PAK2: variants seen among roughly 807,000 people sequenced by gnomAD.
PAK2 encodes p21 (RAC1) activated kinase 2, also known as serine/threonine-protein kinase PAK 2.
A neutral mutation model predicts 65.9 loss-of-function variants in PAK2; 21 were observed. The ratio of observed to expected loss-of-function variants is 0.32; its 90% CI spans 0.23 to 0.46. The LOEUF is 0.46. Ranked by LOEUF, PAK2 falls within the 20% of genes least tolerant of loss-of-function variation. The pLI is 1.00. For missense variants in PAK2, 324 were observed against 642.6 expected, an observed-to-expected ratio of 0.50 and a Z score of 5.36; for synonymous variants, 204 against 219.7, an observed-to-expected ratio of 0.93 and a Z score of 0.63.
At chr3:196,761,145 C>T (rs76495936) in intron 1 of PAK2, among the ~76,000 whole-genome samples, 3 of 119,524 alleles carry the variant, frequency 2.5e-5, no homozygotes, top group Non-Finnish European at 5.1e-5. Context: ...AGGAGAACCG[C>T]TTTTTTTTTT....
chr3:196,817,654 C>A (rs1711519742), intron 11 of PAK2, among the ~76,000 whole-genome samples: 2 of 151,560 alleles, frequency 1.3e-5, no homozygotes, highest in South Asian at 4.2e-4. Flanking sequence ...TGCCTGGCCT[C>A]CCCTGGCTAA....
At chr3:196,789,482 C>CTTTCTTT (rs150606727) in intron 2 of PAK2, among the ~76,000 whole-genome samples, 1 of 150,462 alleles carries the variant, frequency 6.6e-6, no homozygotes, top group Non-Finnish European at 1.5e-5. Flanking sequence ...TTTCTTTTTT[C>CTTTCTTT]TTTTTTGTTT....
At chr3:196,763,076 T>A (rs566261393) in intron 1 of PAK2, among the ~76,000 whole-genome samples, 1 of 152,246 alleles carries the variant, frequency 6.6e-6, no homozygotes, top group East Asian at 1.9e-4. Flanking sequence ...CCCCACCCCC[T>A]GCCTGGGAAA....
At chr3:196,781,765 C>G (rs1429654444) in intron 1 of PAK2, among the ~76,000 whole-genome samples, 1 of 152,110 alleles carries the variant, frequency 6.6e-6, no homozygotes, top group Non-Finnish European at 1.5e-5. Context: ...ATCAGGAATT[C>G]GAGACCAGCC....
chr3:196,774,259 C>T lies in PAK2; in HGVS notation c.-21-8367C>T, dbSNP rs150088043. Among the ~76,000 whole-genome samples the T allele has an allele frequency of 5.4e-3, 822 of 152,276 alleles. 32 individuals carry two copies. Among genetic ancestry groups the T allele is most frequent in the Admixed American group, 0.03 (454 of 15,292 alleles). ...CCTGAGATTCAGAGTTGTTAGGAAA[C>T]TTGAGTTCTAGTCTTAGTTCTGTTA... On this transcript the variant is annotated intron_variant, in intron 1 of 14. Transcript: ENST00000327134.
intron 9 of PAK2, among the ~76,000 whole-genome samples, 197 bp from the exon 10 acceptor site, chr3:196,812,542 C>T (rs1370792734): frequency 1.3e-5 from 2 of 152,124 alleles, no homozygotes; most frequent in Admixed American, 6.6e-5. Flanking sequence ...TATTAATCAA[C>T]TTCAAGATAA....
In PAK2 at chr3:196,830,835, ACATT is replaced by A. The variant is rs1227138908; in HGVS notation, c.*2433_*2436del. 4 of 152,234 alleles carry A rather than the reference ACATT, an allele frequency of 2.6e-5. No individual in the cohort carries two copies. The highest frequency in any genetic ancestry group is 9.6e-5 in the African/African-American group (4 of 41,452). The allele number at this position is 152,234 out of a possible 1,614,324, so 9.4% of individuals were successfully genotyped here. On this transcript the variant is annotated 3_prime_UTR_variant, in exon 15 of 15. Transcript: ENST00000327134. ...AGAATTGTGATTTATTAATTTTAAA[ACATT>A]CAGAACTTGTTGAAAGAAAAATTAT...
At chr3:196,823,129 G>A (rs1242245519) in intron 13 of PAK2, among the ~76,000 whole-genome samples, 1 of 152,168 alleles carries the variant, frequency 6.6e-6, no homozygotes, top group African/African-American at 2.4e-5. Context: ...GGCAAAGGCA[G>A]AGCAGAAGAC....
chr3:196,811,919 T>C (rs575427969), intron 8 of PAK2, among the ~76,000 whole-genome samples: 1 of 152,168 alleles, frequency 6.6e-6, no homozygotes, highest in East Asian at 1.9e-4. Flanking sequence ...TTATTTACAG[T>C]TATTTGTATC....
chr3:196,782,594 T>C (rs954129234), intron 1 of PAK2, 32 bp from the exon 2 acceptor site: 1 of 1,086,460 alleles, frequency 9.2e-7, no homozygotes, highest in African/African-American at 1.6e-5. Context: ...TATTTTTTAC[T>C]TTGTTACTAA....
Position 196,803,052 on chromosome 3 carries a change from C to G in PAK2, c.324C>G (p.Thr108=). 1 of 1,611,584 alleles carries G rather than the reference C, an allele frequency of 6.2e-7. No homozygotes were observed. ...MPEQWARLLQ[T]SNITKLEQKK... is the part of the protein sequence containing the mutation. ...AACAGTGGGCTCGATTACTACAGAC[C>G]TCCAATATCACCAAACTAGAGCAAA... is the stretch of plus-strand genomic sequence containing the variant. The change falls in exon 4 of 15, where the codon ACC becomes ACG. Residue 108 remains threonine, a synonymous_variant. Coordinates refer to ENST00000327134, the MANE Select transcript of PAK2 (RefSeq NM_002577.4).
At chr3:196,783,046 A>T (rs527734397) in intron 2 of PAK2, among the ~76,000 whole-genome samples, 5 of 152,316 alleles carry the variant, frequency 3.3e-5, no homozygotes, top group African/African-American at 1.2e-4. Context: ...GTTATGGCCA[A>T]TGAATTTCTA....
intron 1 of PAK2, among the ~76,000 whole-genome samples, chr3:196,746,813 TAA>T (rs71621294): frequency 1.0e-4 from 13 of 129,066 alleles, no homozygotes; most frequent in Admixed American, 2.5e-4. Context: ...TCTGTCTCAT[TAA>T]AAAAAAAAAA....
At chr3:196,799,377 T>C (rs1715351307) in intron 2 of PAK2, among the ~76,000 whole-genome samples, 1 of 152,194 alleles carries the variant, frequency 6.6e-6, no homozygotes, top group Non-Finnish European at 1.5e-5. Context: ...TGTTTCTAAG[T>C]GTCCCCCAGA....
chr3:196,768,304 G>A (rs1252447211), intron 1 of PAK2, among the ~76,000 whole-genome samples: 1 of 151,760 alleles, frequency 6.6e-6, no homozygotes, highest in Non-Finnish European at 1.5e-5. Context: ...TATTTTACTA[G>A]TTTTGCCCAA....
At chr3:196,760,674 A>G (rs1441849768) in intron 1 of PAK2, among the ~76,000 whole-genome samples, 3 of 152,230 alleles carry the variant, frequency 2.0e-5, no homozygotes, top group African/African-American at 7.2e-5. Context: ...GTTTGAATGC[A>G]TAAGGATGCA....
intron 1 of PAK2, among the ~76,000 whole-genome samples, chr3:196,769,564 C>A (rs542706107): frequency 6.6e-6 from 1 of 151,792 alleles, no homozygotes; most frequent in South Asian, 2.1e-4. Flanking sequence ...GTAATCCCAG[C>A]GCTTTGGGAG....
chr3:196,772,067 A>C lies in PAK2; in HGVS notation c.-21-10559A>C, dbSNP rs74494998. 3.3e-5 allele frequency among the ~76,000 whole-genome samples: 5 copies of C among 152,026 alleles called. No homozygotes were observed. The East Asian group carries it at 9.6e-4, about 29-fold the overall frequency. ...TCAAGCTGCTTCTATGTGTCCTTTG[A>C]CACAGCATTCCATATCTGTGTTTTT... On this transcript the variant is annotated intron_variant, in intron 1 of 14. Coordinates refer to ENST00000327134, the MANE Select transcript of PAK2 (RefSeq NM_002577.4).
At chr3:196,812,115 G>A in intron 8 of PAK2, 104 bp from the exon 9 acceptor site, 1 of 740,380 alleles carries the variant, frequency 1.4e-6, no homozygotes, top group Non-Finnish European at 2.4e-6. Context: ...AGGTCATCCT[G>A]TTCTTTAATT....
Sources: gnomAD v4.1 joint callset for allele counts (sites outside exome capture counted in the v4.1 genomes callset) on GRCh38, gnomAD v4.1.1 for gene constraint, MANE v1.5 for transcripts, NCBI Gene and HGNC (gene_info 2026-07-23, HGNC 2026-07-21) for gene names.